LRBA: variants seen among roughly 807,000 people sequenced by gnomAD.
The protein encoded by LRBA is lipopolysaccharide-responsive and beige-like anchor protein.
LRBA carries 176 observed loss-of-function variants against 330.0 expected under a neutral mutation model. The ratio of observed to expected loss-of-function variants is 0.53; its 90% CI spans 0.47 to 0.60. The LOEUF (loss-of-function observed/expected upper bound fraction) is 0.60. Ranked by LOEUF, LRBA falls within the 20% of genes least tolerant of loss-of-function variation. The pLI is 0.00. For synonymous variants in LRBA, 1,230 were observed against 1,193.0 expected, an observed-to-expected ratio of 1.03 and a Z score of -0.64; for missense variants, 3,259 against 3,444.8, an observed-to-expected ratio of 0.95 and a Z score of 1.35.
intron 35 of LRBA, among the ~76,000 whole-genome samples, chr4:150,739,397 T>C (rs1323272085): frequency 6.6e-6 from 1 of 152,154 alleles, no homozygotes; most frequent in Non-Finnish European, 1.5e-5. Context: ...CAATTTACAG[T>C]GAATTTCAAA....
intron 19 of LRBA, 31 bp downstream of exon 19, chr4:150,871,314 T>A (rs777479144): frequency 1.5e-5 from 18 of 1,173,854 alleles, no homozygotes; most frequent in Non-Finnish European, 2.2e-5. Context: ...AATAAGAAAT[T>A]TAGAGGAGTA....
intron 34 of LRBA, among the ~76,000 whole-genome samples, chr4:150,789,071 C>T (rs1739524298): frequency 6.6e-6 from 1 of 152,070 alleles, no homozygotes; most frequent in South Asian, 2.1e-4. Flanking sequence ...GAGACTCTGT[C>T]TCAAAAAAAT....
chr4:150,438,515 C>A (rs1751425268), intron 44 of LRBA, among the ~76,000 whole-genome samples: 1 of 151,880 alleles, frequency 6.6e-6, no homozygotes, highest in African/African-American at 2.4e-5. Context: ...ATAAAAAATT[C>A]TTTATTTAAA....
chr4:150,476,023 CTG>C (rs1302575926), intron 42 of LRBA, among the ~76,000 whole-genome samples: 1 of 152,050 alleles, frequency 6.6e-6, no homozygotes, highest in African/African-American at 2.4e-5. Flanking sequence ...AGGTTAAAGT[CTG>C]TCAATTTTAC....
chr4:150,978,202 A>T (rs1740422263), intron 2 of LRBA, among the ~76,000 whole-genome samples: 1 of 152,250 alleles, frequency 6.6e-6, no homozygotes, highest in Non-Finnish European at 1.5e-5. Flanking sequence ...GAGAGAGAGC[A>T]ACATACCATT....
chr4:150,815,815 A>C (rs1470048109), intron 31 of LRBA, among the ~76,000 whole-genome samples: 1 of 151,964 alleles, frequency 6.6e-6, no homozygotes, highest in East Asian at 1.9e-4. Flanking sequence ...AAGAAGGTAG[A>C]TAAGTCACTT....
chr4:150,479,604 A>G (rs1336932599), intron 42 of LRBA, among the ~76,000 whole-genome samples: 1 of 152,194 alleles, frequency 6.6e-6, no homozygotes, highest in Non-Finnish European at 1.5e-5. Context: ...TCTGGAATAC[A>G]TCCTCGAGAG....
chr4:150,675,445 G>A (rs13152479), intron 37 of LRBA, among the ~76,000 whole-genome samples: 7,997 of 151,614 alleles, frequency 0.053, 302 homozygotes, highest in Middle Eastern at 0.11. Context: ...AGGGCTGGGC[G>A]CGGTGGCTCA....
rs747748057 is a variant in LRBA, at chr4:150,674,395, T to TA, written c.5921+9155dup. ...AGTTGAAGTAGCAAACAGTAAAGTC[T>TA]AAAAAAAAAAAAGCTTTATTACTTG... On this transcript the variant is annotated intron_variant, in intron 37 of 56. Transcript: ENST00000651943. Among the ~76,000 whole-genome samples the TA allele has an allele frequency of 3.6e-3, 489 of 137,602 alleles. 2 individuals carry two copies. Among genetic ancestry groups the TA allele is most frequent in the Non-Finnish European group, 5.8e-3 (367 of 62,914 alleles). The allele number at this position is 137,602 out of a possible 152,430, so 90.3% of individuals were successfully genotyped here. A position where few individuals can be genotyped will look rare whatever the true frequency, so the allele number is the denominator to read the frequency against.
rs1476403056 is a variant in LRBA, at chr4:150,666,144, A to G, written c.5921+17407T>C. On this transcript the variant is annotated intron_variant, in intron 37 of 56. Transcript: ENST00000651943. ...TGGTTTCATGGATAGACATAAGCAG[A>G]GTCAACACTCGGTATCCTCAGGTTC... Among the ~76,000 whole-genome samples the G allele has an allele frequency of 2.0e-5, 3 of 152,370 alleles. No individual in the cohort carries two copies. The East Asian group carries it at 5.8e-4, about 29-fold the overall frequency.
At chr4:150,883,844 T>C (rs182288021) in intron 17 of LRBA, among the ~76,000 whole-genome samples, 28 of 152,220 alleles carry the variant, frequency 1.8e-4, no homozygotes, top group African/African-American at 6.5e-4. Flanking sequence ...TTCTTCACAG[T>C]AATAAATAAA....
intron 37 of LRBA, among the ~76,000 whole-genome samples, chr4:150,664,196 T>C (rs771635443): frequency 3.3e-5 from 5 of 152,204 alleles, no homozygotes; most frequent in Non-Finnish European, 5.9e-5. Context: ...AACCCACTGG[T>C]AGACTACTTG....
At chr4:150,532,943 C>G (rs1005262041) in intron 40 of LRBA, among the ~76,000 whole-genome samples, 1 of 152,068 alleles carries the variant, frequency 6.6e-6, no homozygotes, top group African/African-American at 2.4e-5. Context: ...GAATTTTCTA[C>G]TAATGTGGGT....
At chr4:150,811,400 C>T (rs147978411) in intron 31 of LRBA, among the ~76,000 whole-genome samples, 2 of 149,868 alleles carry the variant, frequency 1.3e-5, no homozygotes, top group African/African-American at 2.4e-5. Context: ...AAATCCCTCC[C>T]CAGAAAACAT....
chr4:150,520,542 C>T (rs1400011290), intron 40 of LRBA, among the ~76,000 whole-genome samples: 1 of 151,926 alleles, frequency 6.6e-6, no homozygotes, highest in Non-Finnish European at 1.5e-5. Flanking sequence ...AATTTTTATG[C>T]CCATCAATGG....
intron 54 of LRBA, among the ~76,000 whole-genome samples, chr4:150,284,931 C>T (rs1227719195): frequency 6.6e-6 from 1 of 152,142 alleles, no homozygotes; most frequent in African/African-American, 2.4e-5. Flanking sequence ...CAGTTCCATA[C>T]TACTGTGCAA....
At chr4:150,285,866 C>G in intron 54 of LRBA, 67 bp downstream of exon 54, 1 of 973,346 alleles carries the variant, frequency 1.0e-6, no homozygotes, top group Non-Finnish European at 1.5e-6. Context: ...CCAAATTAAT[C>G]TTTGGTAATT....
chr4:150,650,953 G>C (rs1050901384), intron 37 of LRBA, among the ~76,000 whole-genome samples: 1 of 152,142 alleles, frequency 6.6e-6, no homozygotes, highest in Non-Finnish European at 1.5e-5. Flanking sequence ...ATGAGGTAAA[G>C]TTATGAATTA....
chr4:150,811,528 G>A (rs1032305374), intron 31 of LRBA, among the ~76,000 whole-genome samples: 1 of 152,070 alleles, frequency 6.6e-6, no homozygotes, highest in African/African-American at 2.4e-5. Flanking sequence ...TAAGAGACGA[G>A]GTCTTGCTCT....
Sources: allele counts gnomAD v4.1 joint callset (sites outside exome capture counted in the v4.1 genomes callset), GRCh38; gene constraint gnomAD v4.1.1; transcripts MANE v1.5; gene names NCBI Gene and HGNC (gene_info 2026-07-23, HGNC 2026-07-21).